Variants in CDH2 observed in about 807,000 individuals in gnomAD.
CDH2 encodes cadherin 2.
In CDH2, 17 loss-of-function variants were observed where a neutral mutation model predicts 92.0. The observed-to-expected ratio is 0.18, with a 90% CI of 0.13 to 0.28. The LOEUF (loss-of-function observed/expected upper bound fraction) is 0.28, where lower values mean the gene tolerates loss of function less well. Ranked by LOEUF, CDH2 falls within the 10% of genes least tolerant of loss-of-function variation. CDH2 has a pLI of 1.00. For synonymous variants in CDH2, 419 were observed against 415.9 expected, an observed-to-expected ratio of 1.01 and a Z score of -0.09; for missense variants, 862 against 1,133.1, an observed-to-expected ratio of 0.76 and a Z score of 3.44.
At chr18:28,153,700 A>G (rs1170998567) in intron 1 of CDH2, among the ~76,000 whole-genome samples, 1 of 152,226 alleles carries the variant, frequency 6.6e-6, no homozygotes, top group Non-Finnish European at 1.5e-5. Context: ...CATCTGTACA[A>G]CAAGAGTACT....
chr18:28,155,908 C>T (rs1473658174), intron 1 of CDH2, among the ~76,000 whole-genome samples: 4 of 152,144 alleles, frequency 2.6e-5, no homozygotes, highest in Non-Finnish European at 4.4e-5. Context: ...TCAGTAATGC[C>T]ACTGATGGCA....
chr18:28,009,569 A>C (rs1599030515), intron 5 of CDH2, 148 bp downstream of exon 5: 4 of 547,172 alleles, frequency 7.3e-6, no homozygotes, highest in Non-Finnish European at 1.2e-5. Context: ...AAAAACAATA[A>C]CATTATTAAA....
chr18:27,952,904 TTCACA>T (rs1220870464), intron 15 of CDH2, among the ~76,000 whole-genome samples: 1 of 151,970 alleles, frequency 6.6e-6, no homozygotes, highest in Non-Finnish European at 1.5e-5. Context: ...GGGAAAAAAA[TTCACA>T]TCAGCATTAA....
intron 6 of CDH2, among the ~76,000 whole-genome samples, chr18:27,945,795 T>C (rs1909255023): frequency 6.6e-6 from 1 of 152,126 alleles, no homozygotes. Flanking sequence ...AATCAAATCA[T>C]TGTCTGGACT....
intron 2 of CDH2, among the ~76,000 whole-genome samples, chr18:28,108,318 T>C (rs1018140683): frequency 6.6e-6 from 1 of 152,198 alleles, no homozygotes; most frequent in East Asian, 1.9e-4. Context: ...ATGAGAAACA[T>C]TCTACAGAAA....
chr18:28,142,310 T>C (rs541684998), intron 2 of CDH2, among the ~76,000 whole-genome samples: 1 of 152,056 alleles, frequency 6.6e-6, no homozygotes, highest in South Asian at 2.1e-4. Context: ...CTAGTCCAAA[T>C]TACTGAAGGC....
chr18:28,102,955 T>C (rs1404685740), intron 2 of CDH2, among the ~76,000 whole-genome samples: 1 of 151,862 alleles, frequency 6.6e-6, no homozygotes, highest in African/African-American at 2.4e-5. Context: ...TCAGGTGAAG[T>C]ACTTCTTACG....
At chr18:28,081,262 T>C (rs1009454525) in intron 2 of CDH2, among the ~76,000 whole-genome samples, 1 of 152,216 alleles carries the variant, frequency 6.6e-6, no homozygotes, top group Non-Finnish European at 1.5e-5. Flanking sequence ...ATTGTTTACT[T>C]ATGTTAGTGA....
intron 7 of CDH2, among the ~76,000 whole-genome samples, chr18:28,002,039 C>T (rs2012783801): frequency 1.3e-5 from 2 of 152,208 alleles, no homozygotes; most frequent in South Asian, 4.1e-4. Flanking sequence ...TTTGATATTT[C>T]ACTCAAACAA....
intron 15 of CDH2, among the ~76,000 whole-genome samples, chr18:27,958,756 G>A (rs1206307041): frequency 2.6e-5 from 4 of 152,114 alleles, no homozygotes; most frequent in South Asian, 2.1e-4. Flanking sequence ...AGAGGGACCC[G>A]GTGGGAGGTA....
chr18:28,075,847 G>A (rs1325977340), intron 2 of CDH2, among the ~76,000 whole-genome samples: 1 of 152,106 alleles, frequency 6.6e-6, no homozygotes, highest in African/African-American at 2.4e-5. Context: ...TTCTCATACG[G>A]TACTCTGGTT....
chr18:27,962,961 G>T (rs1373689853), intron 15 of CDH2, among the ~76,000 whole-genome samples: 7 of 151,982 alleles, frequency 4.6e-5, no homozygotes, highest in Admixed American at 4.6e-4. Flanking sequence ...GGATTCAAAG[G>T]GTACAGTGTG....
intron 14 of CDH2, among the ~76,000 whole-genome samples, chr18:27,978,444 A>G (rs1473176502): frequency 6.6e-6 from 1 of 152,210 alleles, no homozygotes; most frequent in African/African-American, 2.4e-5. Context: ...TAGCACCGCA[A>G]TGCAGTGGTA....
chr18:28,124,474 A>G (rs549284411), intron 2 of CDH2, among the ~76,000 whole-genome samples: 2 of 152,116 alleles, frequency 1.3e-5, no homozygotes, highest in Admixed American at 6.5e-5. Flanking sequence ...CCATTTTTAC[A>G]CATTCAAAGC....
At chr18:27,955,280 T>C (rs1056375585) in intron 15 of CDH2, among the ~76,000 whole-genome samples, 1 of 150,886 alleles carries the variant, frequency 6.6e-6, no homozygotes, top group Admixed American at 6.6e-5. Flanking sequence ...GATGGGTTGA[T>C]GGATGCAGCA....
chr18:28,062,491 T>TA (rs1380306526), intron 2 of CDH2, among the ~76,000 whole-genome samples: 1 of 152,302 alleles, frequency 6.6e-6, no homozygotes, highest in East Asian at 1.9e-4. Context: ...CAAGTGTTTT[T>TA]AAAACAATAA....
intron 1 of CDH2, among the ~76,000 whole-genome samples, chr18:28,148,842 T>G (rs773754641): frequency 6.6e-6 from 1 of 152,212 alleles, no homozygotes; most frequent in Non-Finnish European, 1.5e-5. Flanking sequence ...GAATTATGCA[T>G]GTGAAATTTT....
At chr18:27,983,704 G>A (rs1037834581) in intron 13 of CDH2, among the ~76,000 whole-genome samples, 1 of 152,168 alleles carries the variant, frequency 6.6e-6, no homozygotes, top group African/African-American at 2.4e-5. Context: ...TACACTTTGC[G>A]CCAGGTCTAG....
intron 2 of CDH2, among the ~76,000 whole-genome samples, chr18:28,143,849 G>A (rs1209639330): frequency 6.6e-6 from 1 of 151,986 alleles, no homozygotes; most frequent in African/African-American, 2.4e-5. Flanking sequence ...CCTTTGCAGG[G>A]ACATGGGTGA....
Sources: allele counts gnomAD v4.1 joint callset (sites outside exome capture counted in the v4.1 genomes callset), GRCh38; gene constraint gnomAD v4.1.1; transcripts MANE v1.5; gene names NCBI Gene and HGNC (gene_info 2026-07-23, HGNC 2026-07-21).